The following CFAP47 variants were observed in gnomAD, a reference collection of about 807,000 sequenced individuals.
The protein encoded by CFAP47 is cilia- and flagella-associated protein 47.
A neutral mutation model predicts 148.1 loss-of-function variants in CFAP47; 29 were observed. The ratio of observed to expected loss-of-function variants is 0.20; its 90% CI spans 0.15 to 0.27. The LOEUF is 0.27. CFAP47 is among the 10% of genes least tolerant of loss of function. The probability of loss-of-function intolerance (pLI) is 1.00; values close to 1 mark genes in which losing one functional copy is unlikely to be tolerated. For synonymous variants in CFAP47, 664 were observed against 577.3 expected, an observed-to-expected ratio of 1.15 and a Z score of -2.15; for missense variants, 1,872 against 1,697.5, an observed-to-expected ratio of 1.10 and a Z score of -1.81.
intron 21 of CFAP47, among the ~76,000 whole-genome samples, chrX:36,006,088 A>T (rs1936979324): frequency 9.0e-6 from 1 of 110,986 alleles, no homozygotes; most frequent in East Asian, 2.8e-4. Context: ...CTTAAGGATC[A>T]TTGAAAATTA....
At chrX:36,330,105 ATCTT>A (rs1941551867) in intron 57 of CFAP47, among the ~76,000 whole-genome samples, 1 of 111,947 alleles carries the variant, frequency 8.9e-6, no homozygotes, top group African/African-American at 3.2e-5. Flanking sequence ...CTGTTAAATG[ATCTT>A]TACAGATTTT....
At chrX:35,976,623 G>T (rs1037050910) in intron 15 of CFAP47, among the ~76,000 whole-genome samples, 1 of 111,170 alleles carries the variant, frequency 9.0e-6, no homozygotes, top group African/African-American at 3.3e-5. Flanking sequence ...AGATAAAATT[G>T]ATCATCACAG....
At chrX:36,239,204 C>T (rs1215876091) in intron 48 of CFAP47, among the ~76,000 whole-genome samples, 3 of 111,603 alleles carry the variant, frequency 2.7e-5, no homozygotes, top group Admixed American at 9.5e-5. Context: ...GGGACTTCCA[C>T]GAAGGTGAAG....
intron 8 of CFAP47, among the ~76,000 whole-genome samples, chrX:35,960,176 G>C (rs1367511637): frequency 9.4e-6 from 1 of 106,408 alleles, no homozygotes; most frequent in Admixed American, 1.0e-4. Flanking sequence ...CTGATCTCAA[G>C]TGATCTGCCC....
intron 30 of CFAP47, among the ~76,000 whole-genome samples, chrX:36,095,941 G>A (rs765799745): frequency 3.6e-5 from 4 of 111,159 alleles, no homozygotes; most frequent in South Asian, 3.7e-4. Flanking sequence ...AAGATGGAAT[G>A]TAAGGTTGTT....
chrX:36,051,619 G>A (rs1018493913), intron 26 of CFAP47, among the ~76,000 whole-genome samples: 11 of 111,818 alleles, frequency 9.8e-5, no homozygotes, highest in African/African-American at 3.6e-4. Context: ...GATTTTACAA[G>A]CTAAGCGGTG....
chrX:36,299,039 G>T lies in CFAP47; in HGVS notation c.7749G>T (p.Val2583=). The change falls in exon 52 of 64, where the codon GTG becomes GTT. Residue 2583 remains valine, a synonymous_variant. Coordinates refer to ENST00000378653, the MANE Select transcript of CFAP47 (RefSeq NM_001304548.2). The stretch of plus-strand genomic sequence containing the variant: ...AAGATAGAGGTCTTCACTTAGAGGT[G>T]CAGTTAACGAGTGCTGCCCTTAATG... The part of the protein sequence containing the change: ...NPKDRGLHLE[V]QLTSAALNGD... The T allele has an allele frequency of 8.7e-7, 1 of 1,148,678 alleles. No homozygotes were observed. Among genetic ancestry groups the T allele is most frequent in the Non-Finnish European group, 1.2e-6 (1 of 857,122 alleles). The allele number at this position is 1,148,678 out of a possible 1,213,427, so 94.7% of individuals were successfully genotyped here.
At chrX:36,257,977 G>A (rs1223467144) in intron 49 of CFAP47, among the ~76,000 whole-genome samples, 1 of 112,162 alleles carries the variant, frequency 8.9e-6, no homozygotes, top group African/African-American at 3.2e-5. Context: ...TAGCCTGGTA[G>A]CTGCAGCAAG....
In CFAP47 at chrX:36,097,944, T is replaced by G. The variant is rs750923677; in HGVS notation, c.4917-849T>G. ...ACCTCCTCTGTAAGGCCAGTAACTC[T>G]TAGGTTTGCCCTTTTGGGGCCATCC... On this transcript the variant is annotated intron_variant, in intron 30 of 63. Transcript: ENST00000378653. 5.4e-5 allele frequency among the ~76,000 whole-genome samples: 6 copies of G among 112,131 alleles called. No individual in the cohort carries two copies. In the East Asian group the frequency reaches 1.7e-3, roughly 32 times the overall value.
At chrX:35,975,020 G>T (rs1427330138) in intron 13 of CFAP47, 127 bp from the exon 14 acceptor site, 1 of 397,878 alleles carries the variant, frequency 2.5e-6, no homozygotes, top group African/African-American at 2.6e-5. Context: ...TGCTATTATT[G>T]TAAATATTTT....
chrX:36,139,497 A>G (rs1182518662), intron 35 of CFAP47, among the ~76,000 whole-genome samples: 2 of 111,699 alleles, frequency 1.8e-5, no homozygotes, highest in Non-Finnish European at 3.8e-5. Context: ...TGCAACAACA[A>G]TTGTCAGGAT....
At chrX:35,948,971 C>T (rs1936125408) in intron 4 of CFAP47, among the ~76,000 whole-genome samples, 1 of 110,828 alleles carries the variant, frequency 9.0e-6, no homozygotes, top group South Asian at 3.8e-4. Flanking sequence ...TGGGGAGTGA[C>T]AGGAGACAAG....
intron 62 of CFAP47, 76 bp from the exon 63 acceptor site, chrX:36,379,274 C>T (rs1217212770): frequency 5.5e-6 from 5 of 914,847 alleles, no homozygotes; most frequent in Admixed American, 2.7e-5. Context: ...GATTCAAATT[C>T]TACTCATCAA....
intron 45 of CFAP47, among the ~76,000 whole-genome samples, chrX:36,219,911 T>C (rs921357029): frequency 5.4e-5 from 6 of 111,523 alleles, no homozygotes; most frequent in Admixed American, 1.9e-4. Context: ...CTTGAGACTG[T>C]GTCACATCAC....
At chrX:36,314,606 C>A (rs1408547527) in intron 56 of CFAP47, among the ~76,000 whole-genome samples, 1 of 111,402 alleles carries the variant, frequency 9.0e-6, no homozygotes, top group Non-Finnish European at 1.9e-5. Context: ...TACAGAGAAA[C>A]CTTTAGGCTG....
intron 21 of CFAP47, among the ~76,000 whole-genome samples, chrX:36,004,764 C>G (rs771996306): frequency 4.4e-4 from 48 of 110,162 alleles, no homozygotes; most frequent in Non-Finnish European, 5.5e-4. Flanking sequence ...TGAAGAAGCT[C>G]TTGGGGTTGA....
intron 53 of CFAP47, among the ~76,000 whole-genome samples, chrX:36,301,540 T>A (rs1556007850): frequency 1.8e-5 from 2 of 110,118 alleles, no homozygotes; most frequent in African/African-American, 6.6e-5. Context: ...ATAGACAGAA[T>A]CTTTGGAGGG....
intron 25 of CFAP47, among the ~76,000 whole-genome samples, chrX:36,045,422 T>C (rs185726382): frequency 7.1e-4 from 79 of 111,426 alleles, no homozygotes; most frequent in African/African-American, 2.4e-3. Context: ...CAGCTAGTAA[T>C]GTGCTGAATC....
At chrX:36,352,521 T>C (rs1941750956) in intron 59 of CFAP47, among the ~76,000 whole-genome samples, 1 of 111,176 alleles carries the variant, frequency 9.0e-6, no homozygotes, top group Non-Finnish European at 1.9e-5. Flanking sequence ...ATATTATTAT[T>C]GATGCCACAG....
Sources: gnomAD v4.1 joint callset for allele counts (sites outside exome capture counted in the v4.1 genomes callset) on GRCh38, gnomAD v4.1.1 for gene constraint, MANE v1.5 for transcripts, NCBI Gene and HGNC (gene_info 2026-07-23, HGNC 2026-07-21) for gene names.